Variants in DACH2 observed in about 807,000 individuals in gnomAD.
DACH2 encodes the protein dachshund homolog 2.
DACH2 carries 17 observed loss-of-function variants against 35.8 expected under a neutral mutation model. The ratio of observed to expected loss-of-function variants is 0.48; its 90% CI spans 0.33 to 0.71. The LOEUF (loss-of-function observed/expected upper bound fraction) is 0.71, where lower values mean the gene tolerates loss of function less well. Ranked by LOEUF, DACH2 falls within the 30% of genes least tolerant of loss-of-function variation. DACH2 has a pLI of 0.02. For synonymous variants in DACH2, 195 were observed against 177.3 expected, an observed-to-expected ratio of 1.10 and a Z score of -0.79; for missense variants, 469 against 472.7, an observed-to-expected ratio of 0.99 and a Z score of 0.07.
At chrX:86,237,704 A>G (rs757392016) in intron 1 of DACH2, among the ~76,000 whole-genome samples, 7 of 111,770 alleles carry the variant, frequency 6.3e-5, no homozygotes, top group African/African-American at 2.3e-4. Flanking sequence ...GTGAGTGAGC[A>G]TGGGGTCTGG....
At chrX:86,438,319 G>T (rs1267926450) in intron 2 of DACH2, among the ~76,000 whole-genome samples, 1 of 107,386 alleles carries the variant, frequency 9.3e-6, no homozygotes, top group Non-Finnish European at 1.9e-5. Context: ...CGCCTCCAGG[G>T]TTCAAGTGAT....
intron 2 of DACH2, among the ~76,000 whole-genome samples, chrX:86,486,701 A>G (rs1315816988): frequency 9.0e-6 from 1 of 111,630 alleles, no homozygotes; most frequent in East Asian, 2.8e-4. Context: ...AATATAATAT[A>G]TATAGTCAGA....
chrX:86,183,332 T>C (rs2031561621), intron 1 of DACH2, among the ~76,000 whole-genome samples: 3 of 112,159 alleles, frequency 2.7e-5, no homozygotes, highest in African/African-American at 3.2e-5. Context: ...ATAGCTCTTA[T>C]TATTTTGAGA....
intron 2 of DACH2, among the ~76,000 whole-genome samples, chrX:86,445,555 A>G (rs1408027829): frequency 1.7e-5 from 1 of 58,919 alleles, no homozygotes; most frequent in Non-Finnish European, 2.9e-5. Flanking sequence ...AGAAACTACC[A>G]TCAGAGTGAA....
chrX:86,568,041 A>G (rs2039315368), intron 3 of DACH2, among the ~76,000 whole-genome samples: 1 of 111,616 alleles, frequency 9.0e-6, no homozygotes, highest in South Asian at 3.7e-4. Context: ...GCTAAGTGAA[A>G]GAAGCCAATC....
intron 2 of DACH2, among the ~76,000 whole-genome samples, chrX:86,469,136 T>C (rs776766007): frequency 9.0e-6 from 1 of 111,313 alleles, no homozygotes; most frequent in Non-Finnish European, 1.9e-5. Context: ...CTCACTAATA[T>C]GTGGAGTGTG....
At chrX:86,319,888 T>G in intron 1 of DACH2, among the ~76,000 whole-genome samples, 1 of 111,235 alleles carries the variant, frequency 9.0e-6, no homozygotes, top group Middle Eastern at 4.6e-3. Context: ...GATCCAGTAG[T>G]TATAAGATTT....
chrX:86,441,855 ATG>A (rs751065507), intron 2 of DACH2, among the ~76,000 whole-genome samples: 365 of 96,527 alleles, frequency 3.8e-3, no homozygotes, highest in Middle Eastern at 0.024. Flanking sequence ...TATACTATAT[ATG>A]TGTGTGTGTG....
intron 1 of DACH2, among the ~76,000 whole-genome samples, chrX:86,216,354 C>A (rs1167359597): frequency 9.1e-6 from 1 of 109,467 alleles, no homozygotes; most frequent in Non-Finnish European, 1.9e-5. Flanking sequence ...GCTATCCCTC[C>A]CCCAGCCCAC....
intron 6 of DACH2, among the ~76,000 whole-genome samples, chrX:86,730,461 T>C (rs1200851945): frequency 8.9e-6 from 1 of 112,011 alleles, no homozygotes; most frequent in Non-Finnish European, 1.9e-5. Context: ...CCATGTTAAC[T>C]TTTCATTTTA....
intron 7 of DACH2, among the ~76,000 whole-genome samples, chrX:86,742,418 A>G (rs1030107203): frequency 9.0e-6 from 1 of 111,339 alleles, no homozygotes; most frequent in Non-Finnish European, 1.9e-5. Flanking sequence ...ATATATTTGT[A>G]TATATTGATT....
At chrX:86,419,952 C>T (rs756044698) in intron 2 of DACH2, among the ~76,000 whole-genome samples, 2 of 111,776 alleles carry the variant, frequency 1.8e-5, no homozygotes, top group South Asian at 7.5e-4. Flanking sequence ...GAAAGTTTCT[C>T]AAACTCTGTG....
chrX:86,408,893 T>C (rs191615372), intron 2 of DACH2, among the ~76,000 whole-genome samples: 113 of 111,652 alleles, frequency 1.0e-3, no homozygotes, highest in African/African-American at 3.5e-3. Context: ...AGATGCTCAA[T>C]GAATAACTGT....
intron 3 of DACH2, among the ~76,000 whole-genome samples, chrX:86,614,044 T>C (rs1441137390): frequency 3.6e-5 from 4 of 112,057 alleles, no homozygotes; most frequent in Non-Finnish European, 7.5e-5. Context: ...AGCACCTTAC[T>C]CAAAGGTAAA....
intron 1 of DACH2, among the ~76,000 whole-genome samples, chrX:86,173,980 G>A (rs1446035646): frequency 9.0e-6 from 1 of 111,001 alleles, no homozygotes; most frequent in Admixed American, 9.6e-5. Context: ...ATTAGATGCT[G>A]GGTGTGAGAG....
intron 3 of DACH2, among the ~76,000 whole-genome samples, chrX:86,646,517 C>A (rs966750298): frequency 9.1e-6 from 1 of 109,594 alleles, no homozygotes; most frequent in Admixed American, 9.8e-5. Flanking sequence ...GAAAAAATTT[C>A]TTGATATTGG....
intron 1 of DACH2, among the ~76,000 whole-genome samples, chrX:86,187,691 G>A (rs768627956): frequency 1.3e-3 from 146 of 111,193 alleles, no homozygotes; most frequent in Middle Eastern, 9.4e-3. Flanking sequence ...CTCCCAAAGC[G>A]CTGAGATTAC....
rs2032251649 is a variant in DACH2 at position 86,205,115 on chromosome X, T to C, written c.488+56007T>C. ...ATTAAAAATAATTAAAAGTGAAGAA[T>C]GTAATTTCCAAACATGTTCACATCT... is the stretch of plus-strand genomic sequence containing the variant. On this transcript the variant is annotated intron_variant, in intron 1 of 11. Coordinates refer to ENST00000373125, the MANE Select transcript of DACH2 (RefSeq NM_053281.3). Among the ~76,000 whole-genome samples, 13 of 111,867 alleles carry C rather than the reference T, an allele frequency of 1.2e-4. No individual in the cohort carries two copies. In the Admixed American group the frequency reaches 1.2e-3, roughly 11 times the overall value.
At chrX:86,722,901 A>G (rs1160674446) in intron 6 of DACH2, among the ~76,000 whole-genome samples, 1 of 111,147 alleles carries the variant, frequency 9.0e-6, no homozygotes, top group Non-Finnish European at 1.9e-5. Flanking sequence ...TTTTGTAACA[A>G]TTTCAGGATG....
Sources: allele counts gnomAD v4.1 joint callset (sites outside exome capture counted in the v4.1 genomes callset), GRCh38; gene constraint gnomAD v4.1.1; transcripts MANE v1.5; gene names NCBI Gene and HGNC (gene_info 2026-07-23, HGNC 2026-07-21).